The following HUWE1 variants were observed in gnomAD, a reference collection of about 807,000 sequenced individuals.
HUWE1 encodes the protein HECT, UBA and WWE domain containing E3 ubiquitin protein ligase 1, also known as E3 ubiquitin-protein ligase HUWE1.
A neutral mutation model predicts 299.4 loss-of-function variants in HUWE1; 18 were observed. The ratio of observed to expected loss-of-function variants is 0.06; its 90% CI spans 0.04 to 0.09. HUWE1 has a LOEUF of 0.09. Ranked by LOEUF, HUWE1 falls within the 10% of genes least tolerant of loss-of-function variation. HUWE1 has a pLI of 1.00. For missense variants in HUWE1, 1,832 were observed against 3,462.3 expected (o/e 0.53, Z 11.82); for synonymous variants, 1,317 against 1,286.1 (o/e 1.02, Z -0.51).
rs1476033437 is a variant in HUWE1, at chrX:53,536,256, GA to G, written c.12426-5del. The G allele has an allele frequency of 8.6e-7, 1 of 1,164,007 alleles. No individual in the cohort carries two copies. Among genetic ancestry groups the G allele is most frequent in the Non-Finnish European group, 1.2e-6 (1 of 854,158 alleles). ...TTCACTCTCCATATCTGTATATCTA[GA>G]AAAACACAATTATACAGGGTCATGG... On this transcript the variant is annotated splice_polypyrimidine_tract_variant and splice_region_variant and intron_variant, in intron 79 of 83. Transcript: ENST00000262854.
chrX:53,557,476 A>G, intron 59 of HUWE1, 49 bp from the exon 60 acceptor site: 1 of 1,012,846 alleles, frequency 9.9e-7, no homozygotes, highest in Non-Finnish European at 1.4e-6. Flanking sequence ...AGCACCTAAG[A>G]TAGAGGTCAA....
At chrX:53,625,624 T>C (rs1229179116) in intron 17 of HUWE1, 3 of 182,350 alleles carry the variant, frequency 1.6e-5, no homozygotes, top group Non-Finnish European at 3.1e-5. Context: ...ATGAAAGACA[T>C]GTTAATATAA....
chrX:53,674,039 A>C (rs1420730215), intron 3 of HUWE1, among the ~76,000 whole-genome samples: 1 of 110,587 alleles, frequency 9.0e-6, no homozygotes, highest in Non-Finnish European at 1.9e-5. Flanking sequence ...ATAAGGCCAG[A>C]CTCTTCCTTA....
chrX:53,591,775 G>GT (rs1201543706), intron 33 of HUWE1, among the ~76,000 whole-genome samples: 2 of 112,130 alleles, frequency 1.8e-5, no homozygotes, highest in African/African-American at 6.5e-5. Context: ...TAAAAGTCTT[G>GT]TATTTTCCAA....
At chrX:53,557,865 G>C (rs1168137371) in intron 59 of HUWE1, among the ~76,000 whole-genome samples, 1 of 111,482 alleles carries the variant, frequency 9.0e-6, no homozygotes, top group African/African-American at 3.3e-5. Flanking sequence ...TAGGTAAAAA[G>C]TTCTATATAA....
intron 49 of HUWE1, among the ~76,000 whole-genome samples, chrX:53,568,207 C>CT (rs782080701): frequency 2.8e-4 from 31 of 111,777 alleles, no homozygotes; most frequent in Non-Finnish European, 5.7e-4. Context: ...TAGGATGAAA[C>CT]TTATTTTCAT....
intron 12 of HUWE1, 88 bp downstream of exon 12, chrX:53,630,847 C>T (rs2066833545): frequency 3.5e-6 from 2 of 566,233 alleles, no homozygotes; most frequent in Non-Finnish European, 6.3e-6. Flanking sequence ...TATAATAGGA[C>T]TCATAGCAAC....
In HUWE1 at chrX:53,628,985, TTAAAATA is replaced by T. The variant is rs2066696694; in HGVS notation, c.964-90_964-84del. On this transcript the variant is annotated intron_variant, in intron 13 of 83. Coordinates refer to ENST00000262854, the MANE Select transcript of HUWE1 (RefSeq NM_031407.7). ...AGTTCCAGTTGCTAATATCCAAACT[TTAAAATA>T]TAAGTCATTCTACTGGTAACTGCTT... is the stretch of plus-strand genomic sequence containing the variant. 40 of 831,966 alleles carry T rather than the reference TTAAAATA, an allele frequency of 4.8e-5. No individual in the cohort carries two copies. In the South Asian group the frequency reaches 8.8e-4, roughly 18 times the overall value. The allele number at this position is 831,966 out of a possible 1,213,427, so 68.6% of individuals were successfully genotyped here. A position where few individuals can be genotyped will look rare whatever the true frequency, so the allele number is the denominator to read the frequency against.
Position 53,539,824 on chromosome X carries a change from ACAG to A in HUWE1, c.11477-15_11477-13del. 3 of 1,202,659 alleles carry A rather than the reference ACAG, an allele frequency of 2.5e-6. No individual in the cohort carries two copies. The highest frequency in any genetic ancestry group is 3.4e-6 in the Non-Finnish European group (3 of 890,102). ...GGTTCCATCGGAGGCTGGAGGGCAC[ACAG>A]AAGAGAGTCAGAAAGTCTTCAAAAT... On this transcript the variant is annotated splice_polypyrimidine_tract_variant and intron_variant, in intron 74 of 83. Transcript: ENST00000262854.
intron 21 of HUWE1, among the ~76,000 whole-genome samples, 163 bp from the exon 22 acceptor site, chrX:53,615,998 G>A (rs1189316969): frequency 7.2e-5 from 8 of 110,897 alleles, no homozygotes; most frequent in Admixed American, 1.9e-4. Flanking sequence ...GCAGTGTCAC[G>A]ATCTCCTGGA....
chrX:53,578,823 G>A (rs1435605694), intron 43 of HUWE1, among the ~76,000 whole-genome samples: 10 of 65,130 alleles, frequency 1.5e-4, no homozygotes, highest in African/African-American at 4.8e-4. Flanking sequence ...TCAGCCCCCC[G>A]CCCGGCCAGC....
intron 3 of HUWE1, among the ~76,000 whole-genome samples, chrX:53,663,676 G>A (rs1603265389): frequency 9.0e-6 from 1 of 111,052 alleles, no homozygotes; most frequent in African/African-American, 3.3e-5. Flanking sequence ...GAAAATTGGG[G>A]GTAGGGGACC....
intron 3 of HUWE1, among the ~76,000 whole-genome samples, chrX:53,667,998 T>C (rs1253968405): frequency 9.0e-6 from 1 of 111,186 alleles, no homozygotes; most frequent in Non-Finnish European, 1.9e-5. Context: ...TATATGGTAT[T>C]TTTTTCCCAA....
chrX:53,569,720 A>G lies in HUWE1; in HGVS notation c.6420T>C (p.Ala2140=). The change falls in exon 48 of 84, where the codon GCT becomes GCC. Residue 2140 remains alanine (A), a synonymous_variant. Transcript: ENST00000262854. ...GGGCATCTGTGCCACTCCCTGCAGC[A>G]GCCAGGCTTGCGAGGAACAGGCGGG... ...ALARLFLASL[A]AAGSGTDAQV... 8.2e-7 allele frequency: 1 copy of G among 1,212,133 alleles called. No homozygotes were observed. Among genetic ancestry groups the G allele is most frequent in the Non-Finnish European group, 1.1e-6 (1 of 895,473 alleles).
intron 3 of HUWE1, among the ~76,000 whole-genome samples, chrX:53,657,120 A>C (rs1557043329): frequency 8.9e-6 from 1 of 112,301 alleles, no homozygotes; most frequent in Admixed American, 9.4e-5. Flanking sequence ...TATAGTATCT[A>C]AAATACATAA....
At chrX:53,656,559 AAAG>A (rs2068757885) in intron 3 of HUWE1, among the ~76,000 whole-genome samples, 2 of 47,179 alleles carry the variant, frequency 4.2e-5, no homozygotes, top group Non-Finnish European at 7.1e-5. Flanking sequence ...AAAAAAAAAA[AAAG>A]AAAAATCAAA....
chrX:53,654,065 C>A lies in HUWE1; in HGVS notation c.43G>T (p.Ala15Ser), dbSNP rs782768211. The change falls in exon 4 of 84, where the codon GCT becomes TCT. Residue 15 changes from alanine (A) to serine (S), a missense_variant and splice_region_variant. Ala to Ser is a moderately conservative substitution (Grantham distance 99). This residue lies in a region of HUWE1 where 658 missense variants were observed against 1,282.6 expected (regional missense o/e 0.51). Transcript: ENST00000262854. ...AAAGTAAACTTTTGGATACTTACAG[C>A]CTCAGTAGGTGTCTTCTTCAGTTTA... is the stretch of plus-strand genomic sequence containing the variant. ...RTKLKKTPTE[A>S]PADCRALIDK... 3 of 1,175,660 alleles carry A rather than the reference C, an allele frequency of 2.6e-6. No individual in the cohort carries two copies. The highest frequency in any genetic ancestry group is 3.5e-6 in the Non-Finnish European group (3 of 863,892).
chrX:53,558,605 A>G, intron 59 of HUWE1, 50 bp downstream of exon 59: 1 of 1,152,470 alleles, frequency 8.7e-7, no homozygotes, highest in Non-Finnish European at 1.2e-6. Flanking sequence ...CCAAAACCAC[A>G]TTACGGCAGA....
intron 16 of HUWE1, 102 bp from the exon 17 acceptor site, chrX:53,627,617 TAC>T: frequency 1.2e-6 from 1 of 802,249 alleles, no homozygotes; most frequent in Non-Finnish European, 1.8e-6. Flanking sequence ...TGCAAGCAGA[TAC>T]ACAGTTGATT....
Sources: allele counts gnomAD v4.1 joint callset (sites outside exome capture counted in the v4.1 genomes callset), GRCh38; gene constraint gnomAD v4.1.1; regional missense constraint gnomAD v4.1.1; transcripts MANE v1.5; gene names NCBI Gene and HGNC (gene_info 2026-07-23, HGNC 2026-07-21).